ALK: variants seen among roughly 807,000 people sequenced by gnomAD.
ALK encodes ALK receptor tyrosine kinase.
Under a neutral mutation model 163.1 loss-of-function variants are expected in ALK, and 74 were observed. That is an observed-to-expected ratio of 0.45 (90% CI 0.38 to 0.55). ALK has a LOEUF of 0.55. Among genes scored for constraint, ALK ranks in the 20% least tolerant of loss-of-function variants. The pLI, the probability that ALK is intolerant of heterozygous loss-of-function variation, is 0.00. For missense variants in ALK, 2,063 were observed against 2,105.3 expected, an observed-to-expected ratio of 0.98 and a Z score of 0.39; for synonymous variants, 960 against 843.2, an observed-to-expected ratio of 1.14 and a Z score of -2.40.
intron 1 of ALK, among the ~76,000 whole-genome samples, chr2:29,817,235 G>A (rs1199989240): frequency 6.6e-6 from 1 of 151,126 alleles, no homozygotes; most frequent in Non-Finnish European, 1.5e-5. Flanking sequence ...GGATGGGTGG[G>A]TGGTGACCTG....
intron 6 of ALK, among the ~76,000 whole-genome samples, chr2:29,321,441 T>G (rs1445831534): frequency 1.3e-5 from 2 of 152,224 alleles, no homozygotes; most frequent in Admixed American, 6.5e-5. Flanking sequence ...GCTCAAAACT[T>G]TCCATTTGCT....
intron 4 of ALK, among the ~76,000 whole-genome samples, chr2:29,494,580 C>T (rs116457585): frequency 0.01 from 1,598 of 152,234 alleles, 16 homozygotes; most frequent in Non-Finnish European, 0.015. Flanking sequence ...CCCTTCTGCG[C>T]GGTGCCAGGC....
chr2:29,874,639 A>C (rs1326000703), intron 1 of ALK, among the ~76,000 whole-genome samples: 1 of 152,232 alleles, frequency 6.6e-6, no homozygotes, highest in Non-Finnish European at 1.5e-5. Context: ...AAGGAAAGCA[A>C]GCATGAGACA....
At chr2:29,873,046 G>A (rs780495880) in intron 1 of ALK, among the ~76,000 whole-genome samples, 1 of 152,212 alleles carries the variant, frequency 6.6e-6, no homozygotes, top group Non-Finnish European at 1.5e-5. Flanking sequence ...CTTAGACAGT[G>A]TGAGCTCCTC....
chr2:29,239,829 T>C lies in ALK; in HGVS notation c.2206A>G (p.Ile736Val), dbSNP rs1664477822. The C allele has an allele frequency of 1.2e-6, 2 of 1,613,306 alleles. No individual in the cohort carries two copies. Among genetic ancestry groups the C allele is most frequent in the African/African-American group, 1.3e-5 (1 of 74,924 alleles). The change falls in exon 13 of 29, where the codon ATC becomes GTC. Residue 736 changes from isoleucine to valine, a missense_variant and splice_region_variant. Coordinates refer to ENST00000389048, the MANE Select transcript of ALK (RefSeq NM_004304.5). ...CCGCCAGCAGCTCCGTAGCCCGAGA[T>C]GCTGCAATGGGACAAAGAACGTTGG... ...WKVPATDTYS[I>V]SGYGAAGGKG...
chr2:29,416,387 G>C (rs1049560038), intron 4 of ALK, among the ~76,000 whole-genome samples: 5 of 152,196 alleles, frequency 3.3e-5, no homozygotes, highest in Non-Finnish European at 1.5e-5. Flanking sequence ...ATTTCTTCAA[G>C]TGCCTCACTC....
intron 5 of ALK, among the ~76,000 whole-genome samples, chr2:29,343,258 G>T (rs1667852485): frequency 6.8e-6 from 1 of 147,022 alleles, no homozygotes; most frequent in South Asian, 2.2e-4. Flanking sequence ...ATCCAGGCTG[G>T]AGTGCAGTGG....
At chr2:29,301,861 G>T (rs1429067860) in intron 8 of ALK, among the ~76,000 whole-genome samples, 1 of 152,150 alleles carries the variant, frequency 6.6e-6, no homozygotes, top group Non-Finnish European at 1.5e-5. Flanking sequence ...TGAAGGCTAT[G>T]GCATCCTTAG....
rs376125193 is a variant in ALK, at chr2:29,613,116, A to C, written c.953-81000T>G. Reference sequence around the variant, plus strand: ...AGTCCTATTTACATTTCAATCCCCAAACTAATTGTTTACTCATAAGTGTTC... The same window carrying C: ...AGTCCTATTTACATTTCAATCCCCACACTAATTGTTTACTCATAAGTGTTC... On this transcript the variant is annotated intron_variant, in intron 3 of 28. Transcript: ENST00000389048. Among the ~76,000 whole-genome samples, 3 of 152,322 alleles carry C rather than the reference A, an allele frequency of 2.0e-5. No homozygotes were observed. The East Asian group carries it at 5.8e-4, about 29-fold the overall frequency.
At position 29,694,847 on chromosome 2, in the gene ALK, T is replaced by A. The variant is rs1200110360; in HGVS notation, c.952+3A>T. 1 of 1,613,706 alleles carries A rather than the reference T, an allele frequency of 6.2e-7. No individual in the cohort carries two copies. Among genetic ancestry groups the A allele is most frequent in the Non-Finnish European group, 8.5e-7 (1 of 1,179,990 alleles). ...AGGACATCACCAGCAGCCTCTCCCT[T>A]ACCTCTGGGCATCTCCTTAGAACGC... is the stretch of plus-strand genomic sequence containing the variant. On this transcript the variant is annotated splice_donor_region_variant and intron_variant, in intron 3 of 28. Coordinates refer to ENST00000389048, the MANE Select transcript of ALK (RefSeq NM_004304.5).
intron 9 of ALK, among the ~76,000 whole-genome samples, chr2:29,294,057 T>G (rs1422027208): frequency 2.0e-5 from 3 of 152,216 alleles, no homozygotes; most frequent in Non-Finnish European, 4.4e-5. Flanking sequence ...AGCCAGGAGC[T>G]GCCTAAGGAA....
chr2:29,260,454 G>A (rs1210288694), intron 11 of ALK, among the ~76,000 whole-genome samples: 1 of 152,132 alleles, frequency 6.6e-6, no homozygotes, highest in East Asian at 1.9e-4. Context: ...ATTTTTATGT[G>A]AGATTAGTTT....
At chr2:29,207,828 T>G (rs1452354393) in intron 25 of ALK, among the ~76,000 whole-genome samples, 2 of 152,190 alleles carry the variant, frequency 1.3e-5, no homozygotes, top group Non-Finnish European at 2.9e-5. Context: ...GCTTACAAGG[T>G]AGATGAGTTA....
At chr2:29,490,237 T>A (rs1041229602) in intron 4 of ALK, among the ~76,000 whole-genome samples, 2 of 152,222 alleles carry the variant, frequency 1.3e-5, no homozygotes, top group African/African-American at 4.8e-5. Flanking sequence ...CCCAGCAGGG[T>A]CATATGACCT....
At chr2:29,732,000 C>T (rs1013128933) in intron 1 of ALK, among the ~76,000 whole-genome samples, 3 of 152,184 alleles carry the variant, frequency 2.0e-5, no homozygotes, top group Admixed American at 6.5e-5. Context: ...CCCTGGGCCT[C>T]GCACACTGGG....
In ALK at chr2:29,880,679, A is replaced by G. The variant is rs183807630; in HGVS notation, c.667+39314T>C. ...GGAGATCTGGGTTTTAATTCTCACA[A>G]TATCTATGTGCTTGGTTATGGGAAA... On this transcript the variant is annotated intron_variant, in intron 1 of 28. Transcript: ENST00000389048. 2.3e-3 allele frequency among the ~76,000 whole-genome samples: 344 copies of G among 152,306 alleles called. 2 individuals are homozygous for G. Among genetic ancestry groups the G allele is most frequent in the Non-Finnish European group, 3.9e-3 (264 of 68,028 alleles).
chr2:29,382,346 G>T (rs1029076181), intron 5 of ALK, among the ~76,000 whole-genome samples: 6 of 152,236 alleles, frequency 3.9e-5, no homozygotes, highest in African/African-American at 1.4e-4. Flanking sequence ...GGCTATGGGG[G>T]ATGAATGTTT....
chr2:29,332,396 A>G (rs1300364084), intron 5 of ALK, among the ~76,000 whole-genome samples: 4 of 149,200 alleles, frequency 2.7e-5, no homozygotes, highest in Non-Finnish European at 5.9e-5. Context: ...TTATGTCCCA[A>G]TGGGCATGGG....
intron 5 of ALK, among the ~76,000 whole-genome samples, chr2:29,354,157 G>T (rs1383479310): frequency 1.3e-5 from 2 of 152,172 alleles, no homozygotes; most frequent in African/African-American, 4.8e-5. Flanking sequence ...GCTAAGAAAA[G>T]ACTGTAGAAG....
Sources: allele counts gnomAD v4.1 joint callset (sites outside exome capture counted in the v4.1 genomes callset), GRCh38; gene constraint gnomAD v4.1.1; transcripts MANE v1.5; gene names NCBI Gene and HGNC (gene_info 2026-07-23, HGNC 2026-07-21).